The following ZZEF1 variants were observed in gnomAD, a reference collection of about 807,000 sequenced individuals.
The protein encoded by ZZEF1 is zinc finger ZZ-type and EF-hand domain-containing protein 1.
A neutral mutation model predicts 342.8 loss-of-function variants in ZZEF1; 157 were observed. That is an observed-to-expected ratio of 0.46 (90% CI 0.40 to 0.52). The LOEUF (loss-of-function observed/expected upper bound fraction) is 0.52. Among genes scored for constraint, ZZEF1 ranks in the 20% least tolerant of loss-of-function variants. The pLI is 0.00. For missense variants in ZZEF1, 3,480 were observed against 3,725.6 expected, an observed-to-expected ratio of 0.93 and a Z score of 1.72; for synonymous variants, 1,505 against 1,429.1, an observed-to-expected ratio of 1.05 and a Z score of -1.20.
rs1360063979 is a variant in ZZEF1 at position 4,117,048 on chromosome 17, C to G, written c.618G>C (p.Glu206Asp). The G allele has an allele frequency of 6.2e-7, 1 of 1,614,120 alleles. No individual in the cohort carries two copies. The highest frequency in any genetic ancestry group is 8.5e-7 in the Non-Finnish European group (1 of 1,179,992). The change falls in exon 3 of 55, where the codon GAG becomes GAC. Residue 206 changes from glutamate to aspartate, a missense_variant. Around this residue, in one of 5 missense-constraint regions of ZZEF1, gnomAD observed 416 missense variants for 374.2 expected, o/e 1.11. Coordinates refer to ENST00000381638, the MANE Select transcript of ZZEF1 (RefSeq NM_015113.4). The part of the protein sequence containing the change: ...SSAVMPYPML[E>D]HCNNMCTMRS... Reference sequence around the variant, plus strand: ...GCATGGTGCACATGTTATTGCAGTGCTCCAGCATCGGGTAGGGCATCACCG... The same window carrying G: ...GCATGGTGCACATGTTATTGCAGTGGTCCAGCATCGGGTAGGGCATCACCG...
At chr17:4,037,739 A>G (rs933388340) in intron 39 of ZZEF1, among the ~76,000 whole-genome samples, 1 of 152,092 alleles carries the variant, frequency 6.6e-6, no homozygotes, top group African/African-American at 2.4e-5. Flanking sequence ...GTGTGCCACC[A>G]TGCCTGGTTA....
At position 4,069,940 on chromosome 17, in the gene ZZEF1, C is replaced by T. The variant is rs538829296; in HGVS notation, c.4075+744G>A. The stretch of plus-strand genomic sequence containing the variant: ...CTGCGCTGCGTGGAGAAGACATACC[C>T]TGCCAGGCGGTTAGGAAGCCCATGC... On this transcript the variant is annotated intron_variant, in intron 26 of 54. Transcript: ENST00000381638. 3.9e-5 allele frequency among the ~76,000 whole-genome samples: 6 copies of T among 152,346 alleles called. No homozygotes were observed. In the East Asian group the frequency reaches 9.6e-4, roughly 24 times the overall value.
chr17:4,081,634 T>C (rs1276775525), intron 17 of ZZEF1, 144 bp from the exon 18 acceptor site: 1 of 658,038 alleles, frequency 1.5e-6, no homozygotes, highest in Admixed American at 2.7e-5. Context: ...ATACAGGCTG[T>C]GGACCCAGCT....
In ZZEF1 at chr17:4,112,598, G is replaced by A. The variant is rs754789819; in HGVS notation, c.1066+11C>T. ...TGCTTTTCCCTATCCCCTCAGTTCT[G>A]TTGGACTTACAGAGCTGACTGACGT... On this transcript the variant is annotated intron_variant, in intron 5 of 54. Coordinates refer to ENST00000381638, the MANE Select transcript of ZZEF1 (RefSeq NM_015113.4). 1.1e-5 allele frequency: 17 copies of A among 1,613,946 alleles called. No homozygotes were observed. In the East Asian group the frequency reaches 2.7e-4, roughly 25 times the overall value.
At chr17:4,011,104 G>GAA (rs1020716095) in intron 52 of ZZEF1, among the ~76,000 whole-genome samples, 2 of 139,532 alleles carry the variant, frequency 1.4e-5, no homozygotes, top group African/African-American at 5.3e-5. Flanking sequence ...AAAAATTAAA[G>GAA]AAAAAAAAAA....
chr17:4,022,243 C>G (rs931889974), intron 44 of ZZEF1, among the ~76,000 whole-genome samples: 1 of 152,186 alleles, frequency 6.6e-6, no homozygotes, highest in African/African-American at 2.4e-5. Context: ...AAAGTTGGCA[C>G]TGGGCACAGA....
rs771411398 is a variant in ZZEF1, at chr17:4,049,735, C to A, written c.5988G>T (p.Gln1996His). 3.1e-6 allele frequency: 5 copies of A among 1,614,104 alleles called. No individual in the cohort carries two copies. The highest frequency in any genetic ancestry group is 4.2e-6 in the Non-Finnish European group (5 of 1,180,020). The change falls in exon 37 of 55, where the codon CAG becomes CAT. Residue 1996 changes from glutamine (Q) to histidine (H), a missense_variant. Transcript: ENST00000381638. ...TGCCTGCTTCTGACAGCTCAGCACC[C>A]TGGACAGCTTTCTTCTCTAGCTGCT... ...SEEQLEKKAV[Q>H]GAELSEAGNG... is the part of the protein sequence containing the mutation.
chr17:4,140,365 G>A (rs979478013), intron 1 of ZZEF1, among the ~76,000 whole-genome samples: 3 of 152,070 alleles, frequency 2.0e-5, no homozygotes, highest in Non-Finnish European at 4.4e-5. Context: ...TTCACCTGTG[G>A]GCTGAAATGT....
At chr17:4,107,838 C>G (rs1177538687) in intron 6 of ZZEF1, among the ~76,000 whole-genome samples, 3 of 152,120 alleles carry the variant, frequency 2.0e-5, no homozygotes, top group African/African-American at 7.2e-5. Flanking sequence ...ACCTAAAGAG[C>G]CCCTGATTCA....
chr17:4,053,253 G>C (rs1403073565), intron 34 of ZZEF1, among the ~76,000 whole-genome samples: 1 of 152,072 alleles, frequency 6.6e-6, no homozygotes, highest in African/African-American at 2.4e-5. Context: ...TCCCACAGTC[G>C]GGGGCCCCAC....
At chr17:4,100,494 G>A (rs544706138) in intron 9 of ZZEF1, among the ~76,000 whole-genome samples, 87 of 152,300 alleles carry the variant, frequency 5.7e-4, no homozygotes, top group African/African-American at 2.0e-3. Flanking sequence ...GTAGGTAAAA[G>A]ACACAGGGAA....
In ZZEF1 at chr17:4,022,689, G is replaced by C. The variant is rs1460224590; in HGVS notation, c.7212+20C>G. The C allele has an allele frequency of 1.9e-6, 3 of 1,613,326 alleles. No individual in the cohort carries two copies. In the Admixed American group the frequency reaches 5.0e-5, roughly 27 times the overall value. On this transcript the variant is annotated intron_variant, in intron 44 of 54. Transcript: ENST00000381638. Reference sequence around the variant, plus strand: ...CATCTGCACCAGGAAAGAGGAGCAGGAGTCCCTCTCGTCTCTTACTTCCAG... The same window carrying C: ...CATCTGCACCAGGAAAGAGGAGCAGCAGTCCCTCTCGTCTCTTACTTCCAG...
chr17:4,130,871 G>A (rs1010504782), intron 1 of ZZEF1, among the ~76,000 whole-genome samples: 3 of 152,162 alleles, frequency 2.0e-5, no homozygotes, highest in Non-Finnish European at 4.4e-5. Flanking sequence ...TGAGGAAAAA[G>A]GGAAGTCCTA....
intron 7 of ZZEF1, 97 bp from the exon 8 acceptor site, chr17:4,104,908 C>T: frequency 9.8e-7 from 1 of 1,016,574 alleles, no homozygotes; most frequent in Non-Finnish European, 1.4e-6. Flanking sequence ...GTAACATTAA[C>T]CTGCCATATG....
chr17:4,053,840 C>T (rs2057100765), intron 34 of ZZEF1, among the ~76,000 whole-genome samples: 1 of 152,174 alleles, frequency 6.6e-6, no homozygotes, highest in South Asian at 2.1e-4. Flanking sequence ...TGTGGCTACA[C>T]CCAGCATGAT....
chr17:4,130,817 C>T (rs2058651330), intron 1 of ZZEF1, among the ~76,000 whole-genome samples: 1 of 152,152 alleles, frequency 6.6e-6, no homozygotes. Context: ...GCTGATTACC[C>T]TGCACACAGG....
rs747360 is a variant in ZZEF1 at position 4,102,227 on chromosome 17, G to A, written c.1672+90C>T. ...AACAACCTAAAATTGAAGACTGCAC[G>A]CCTCAAACATTTCAAAGTCTGGAGT... On this transcript the variant is annotated intron_variant, in intron 9 of 54. Transcript: ENST00000381638. The A allele has an allele frequency of 0.063, 71,659 of 1,145,736 alleles. 2,500 individuals carry two copies. The highest frequency in any genetic ancestry group is 0.099 in the East Asian group (4,167 of 41,962). The allele number at this position is 1,145,736 out of a possible 1,614,324, so 71.0% of individuals were successfully genotyped here.
intron 45 of ZZEF1, among the ~76,000 whole-genome samples, chr17:4,020,420 G>C (rs1179216891): frequency 1.3e-5 from 2 of 152,184 alleles, no homozygotes; most frequent in African/African-American, 4.8e-5. Flanking sequence ...TGCAAAATCT[G>C]TAAACTTGAA....
chr17:4,056,879 CTCA>C (rs969318961), intron 32 of ZZEF1: 6 of 151,976 alleles, frequency 3.9e-5, no homozygotes, highest in Non-Finnish European at 7.4e-5. Flanking sequence ...CCACAGTTTC[CTCA>C]TTTCAAATAA....
Sources: gnomAD v4.1 joint callset for allele counts (sites outside exome capture counted in the v4.1 genomes callset) on GRCh38, gnomAD v4.1.1 for gene constraint, gnomAD v4.1.1 regional missense constraint, MANE v1.5 for transcripts, NCBI Gene and HGNC (gene_info 2026-07-23, HGNC 2026-07-21) for gene names.